The following DLGAP4 variants were observed in gnomAD, a reference collection of about 807,000 sequenced individuals.
DLGAP4 encodes the protein disks large-associated protein 4.
Under a neutral mutation model 86.9 loss-of-function variants are expected in DLGAP4, and 18 were observed. The ratio of observed to expected loss-of-function variants is 0.21; its 90% CI spans 0.14 to 0.31. The LOEUF (loss-of-function observed/expected upper bound fraction) is 0.31, where lower values mean the gene tolerates loss of function less well. Among genes scored for constraint, DLGAP4 ranks in the 10% least tolerant of loss-of-function variants. The probability of loss-of-function intolerance (pLI) is 1.00; values close to 1 mark genes in which losing one functional copy is unlikely to be tolerated. For synonymous variants in DLGAP4, 548 were observed against 574.3 expected, an observed-to-expected ratio of 0.95 and a Z score of 0.65; for missense variants, 1,085 against 1,362.6, an observed-to-expected ratio of 0.80 and a Z score of 3.21.
intron 2 of DLGAP4, among the ~76,000 whole-genome samples, chr20:36,401,536 C>G (rs1327760010): frequency 6.6e-6 from 1 of 152,226 alleles, no homozygotes; most frequent in Non-Finnish European, 1.5e-5. Flanking sequence ...TCCTGCTTCT[C>G]CCCCAGTGCC....
At chr20:36,422,519 C>T (rs2032858164) in intron 2 of DLGAP4, among the ~76,000 whole-genome samples, 2 of 152,158 alleles carry the variant, frequency 1.3e-5, no homozygotes. Flanking sequence ...ATTGCCACAC[C>T]AAGCAGTTTG....
intron 1 of DLGAP4, among the ~76,000 whole-genome samples, chr20:36,307,913 C>T (rs1192373571): frequency 2.6e-5 from 4 of 152,210 alleles, no homozygotes; most frequent in Non-Finnish European, 5.9e-5. Context: ...TCTGTCCCTC[C>T]TTGGTGGCCA....
Position 36,350,745 on chromosome 20 carries a change from C to CT in DLGAP4, c.-303-16299dup, listed in dbSNP as rs1318079992. 1.3e-5 allele frequency among the ~76,000 whole-genome samples: 2 copies of CT among 152,254 alleles called. No individual in the cohort carries two copies. The highest frequency in any genetic ancestry group is 2.9e-5 in the Non-Finnish European group (2 of 68,044). ...GCAGAGATGTGATGTGTGCTGAGGA[C>CT]TGCTGACCAGTTTGGCTCAGTCTCC... On this transcript the variant is annotated intron_variant, in intron 1 of 12. Transcript: ENST00000339266. This position sits in a 1 kb window ranked among gnomAD's most constrained non-coding sequence, Gnocchi z 4.4.
chr20:36,481,916 T>A lies in DLGAP4; in HGVS notation c.1649-14789T>A, dbSNP rs554862661. 2.0e-5 allele frequency among the ~76,000 whole-genome samples: 3 copies of A among 152,314 alleles called. No homozygotes were observed. The East Asian group carries it at 5.8e-4, about 29-fold the overall frequency. On this transcript the variant is annotated intron_variant, in intron 7 of 12. Transcript: ENST00000339266. Reference sequence around the variant, plus strand: ...CGTCACTAAGCCATTTTTCCACATATGCCGCTTTTCTTGTGTAATTGTCTT... The same window carrying A: ...CGTCACTAAGCCATTTTTCCACATAAGCCGCTTTTCTTGTGTAATTGTCTT...
chr20:36,322,209 G>A (rs1221996780), intron 1 of DLGAP4, among the ~76,000 whole-genome samples: 1 of 152,186 alleles, frequency 6.6e-6, no homozygotes, highest in African/African-American at 2.4e-5. Flanking sequence ...CCAGCAGAGG[G>A]AACTGCAAAT....
At chr20:36,336,520 G>A (rs572643020) in intron 1 of DLGAP4, among the ~76,000 whole-genome samples, 16 of 152,250 alleles carry the variant, frequency 1.1e-4, no homozygotes, top group African/African-American at 3.6e-4. Flanking sequence ...CTTTCCCACC[G>A]GACTTCAAGT....
At chr20:36,488,379 A>C (rs1296889887) in intron 7 of DLGAP4, among the ~76,000 whole-genome samples, 1 of 152,112 alleles carries the variant, frequency 6.6e-6, no homozygotes, top group Non-Finnish European at 1.5e-5. Flanking sequence ...AACCTCCTTC[A>C]TACTGGTTTT....
At chr20:36,519,462 A>G (rs770837674) in intron 10 of DLGAP4, among the ~76,000 whole-genome samples, 2 of 152,184 alleles carry the variant, frequency 1.3e-5, no homozygotes, top group African/African-American at 4.8e-5. Context: ...ATGTACACAC[A>G]GATTTTCTTT....
intron 1 of DLGAP4, among the ~76,000 whole-genome samples, chr20:36,335,955 G>A (rs2065317424): frequency 1.3e-5 from 2 of 152,170 alleles, no homozygotes; most frequent in Non-Finnish European, 2.9e-5. Context: ...AGATCAGAGA[G>A]GAATATTGTC....
Position 36,308,453 on chromosome 20 carries a change from C to T in DLGAP4, c.-304+1941C>T, listed in dbSNP as rs369237126. Among the ~76,000 whole-genome samples the T allele has an allele frequency of 2.6e-5, 4 of 152,178 alleles. No homozygotes were observed. Among genetic ancestry groups the T allele is most frequent in the Admixed American group, 2.0e-4 (3 of 15,282 alleles). ...GTTATGTGGAACCCCGGGTGCCAGC[C>T]TTGAGATGGAACTGCAGGTCTGAGG... On this transcript the variant is annotated intron_variant, in intron 1 of 12. Coordinates refer to ENST00000339266, the MANE Select transcript of DLGAP4 (RefSeq NM_001365621.2). This position sits in a 1 kb window ranked among gnomAD's most constrained non-coding sequence, Gnocchi z 4.5.
intron 1 of DLGAP4, among the ~76,000 whole-genome samples, chr20:36,351,321 G>A (rs1350376658): frequency 3.3e-5 from 5 of 152,216 alleles, no homozygotes; most frequent in Non-Finnish European, 5.9e-5. Flanking sequence ...TAGGAACTGG[G>A]CTGCACAGCA....
chr20:36,326,425 C>T (rs1345956280), intron 1 of DLGAP4, among the ~76,000 whole-genome samples: 1 of 152,204 alleles, frequency 6.6e-6, no homozygotes, highest in Non-Finnish European at 1.5e-5. Context: ...ACACTTTAAA[C>T]TTATTGCAGT....
intron 1 of DLGAP4, among the ~76,000 whole-genome samples, chr20:36,309,332 C>G (rs2065032946): frequency 6.6e-6 from 1 of 152,192 alleles, no homozygotes; most frequent in South Asian, 2.1e-4. Context: ...CCTGTCTCTT[C>G]ACGCCATTCC....
At chr20:36,385,816 G>A (rs1052161750) in intron 2 of DLGAP4, among the ~76,000 whole-genome samples, 8 of 152,170 alleles carry the variant, frequency 5.3e-5, no homozygotes, top group South Asian at 2.1e-4. Context: ...GCTGCCCTTC[G>A]CAGCTGTTTG....
chr20:36,398,057 G>T (rs2147478239), intron 2 of DLGAP4, among the ~76,000 whole-genome samples: 1 of 152,360 alleles, frequency 6.6e-6, no homozygotes, highest in East Asian at 1.9e-4. Context: ...GGAGGCAGAG[G>T]TTGCGGTGAG....
intron 1 of DLGAP4, among the ~76,000 whole-genome samples, chr20:36,343,680 C>A (rs1555892726): frequency 6.6e-6 from 1 of 152,186 alleles, no homozygotes; most frequent in African/African-American, 2.4e-5. Context: ...CGCATGCATG[C>A]ACACACTTCA....
chr20:36,412,387 G>A (rs1395579490), intron 2 of DLGAP4, among the ~76,000 whole-genome samples: 1 of 152,238 alleles, frequency 6.6e-6, no homozygotes, highest in African/African-American at 2.4e-5. Flanking sequence ...CCCACAGTTA[G>A]AGGCTGTGTC....
rs1348840860 is a variant in DLGAP4, at chr20:36,431,821, C to T, written c.104C>T (p.Ser35Leu). 1.1e-5 allele frequency: 17 copies of T among 1,613,912 alleles called. No individual in the cohort carries two copies. The highest frequency in any genetic ancestry group is 6.7e-5 in the East Asian group (3 of 44,872). ...ACCGACCGCAACCCCTACCTGCTGT[C>T]GCCCACGGAGGCCTTCGCCCGCGAG... is the stretch of plus-strand genomic sequence containing the variant. ...AGTDRNPYLL[S>L]PTEAFAREAR... is the part of the protein sequence containing the mutation. The change falls in exon 3 of 13, where the codon TCG (serine) becomes TTG (leucine). Residue 35 changes from serine to leucine, a missense_variant. This residue lies in a region of DLGAP4 where 1,082 missense variants were observed against 1,344.1 expected (regional missense o/e 0.81). Coordinates refer to ENST00000339266, the MANE Select transcript of DLGAP4 (RefSeq NM_001365621.2). This position sits in a 1 kb window ranked among gnomAD's most constrained non-coding sequence, Gnocchi z 5.1.
At chr20:36,484,137 G>C (rs1021652264) in intron 7 of DLGAP4, among the ~76,000 whole-genome samples, 1 of 152,202 alleles carries the variant, frequency 6.6e-6, no homozygotes, top group Non-Finnish European at 1.5e-5. Flanking sequence ...TGAGCCTCAG[G>C]GGTTTTTTGT....
Sources: gnomAD v4.1 joint callset for allele counts (sites outside exome capture counted in the v4.1 genomes callset) on GRCh38, gnomAD v4.1.1 for gene constraint, gnomAD v4.1.1 regional missense constraint, Gnocchi (gnomAD v3.1) non-coding constraint, MANE v1.5 for transcripts, NCBI Gene and HGNC (gene_info 2026-07-23, HGNC 2026-07-21) for gene names.